The following UNC80 variants were observed in gnomAD, a reference collection of about 807,000 sequenced individuals.
The protein encoded by UNC80 is protein unc-80 homolog.
Under a neutral mutation model 384.6 loss-of-function variants are expected in UNC80, and 164 were observed. That is an observed-to-expected ratio of 0.43 (90% CI 0.38 to 0.49). The LOEUF (loss-of-function observed/expected upper bound fraction) is 0.49, where lower values mean the gene tolerates loss of function less well. Among genes scored for constraint, UNC80 ranks in the 20% least tolerant of loss-of-function variants. UNC80 has a pLI of 0.00. For synonymous variants in UNC80, 1,486 were observed against 1,527.8 expected (o/e 0.97, Z 0.64); for missense variants, 3,330 against 4,143.0 (o/e 0.80, Z 5.39).
At chr2:209,829,204 C>A (rs931521266) in intron 14 of UNC80, 28 bp from the exon 15 acceptor site, 2 of 1,550,058 alleles carry the variant, frequency 1.3e-6, no homozygotes, top group African/African-American at 2.7e-5. Flanking sequence ...GTACTTGTGA[C>A]TTTTTCACTT....
intron 7 of UNC80, chr2:209,809,440 G>T: frequency 6.8e-7 from 1 of 1,471,888 alleles, no homozygotes; most frequent in Non-Finnish European, 9.5e-7. Flanking sequence ...TGCCTTCGCC[G>T]ACCGCTCCAA....
At chr2:209,950,334 T>C (rs571170763) in intron 47 of UNC80, among the ~76,000 whole-genome samples, 6 of 152,088 alleles carry the variant, frequency 3.9e-5, no homozygotes, top group Non-Finnish European at 8.8e-5. Flanking sequence ...TATGCTTTTT[T>C]TAAAAAAAAA....
intron 24 of UNC80, among the ~76,000 whole-genome samples, chr2:209,880,466 A>G (rs1379161809): frequency 1.3e-5 from 2 of 152,216 alleles, no homozygotes; most frequent in African/African-American, 4.8e-5. Context: ...TGCCCTCAAA[A>G]CAGCAAGACA....
chr2:209,954,568 G>A (rs1417759607), intron 48 of UNC80: 2 of 213,012 alleles, frequency 9.4e-6, no homozygotes, highest in Non-Finnish European at 1.8e-5. Context: ...TAACCCAGTG[G>A]TAAACACATC....
intron 33 of UNC80, 99 bp downstream of exon 33, chr2:209,918,762 T>A: frequency 7.6e-7 from 1 of 1,321,946 alleles, no homozygotes; most frequent in East Asian, 2.6e-5. Flanking sequence ...AATGTAATAA[T>A]AACACAGAAA....
In UNC80 at chr2:209,932,153, G is replaced by A. The variant is rs115904435; in HGVS notation, c.5994+1099G>A. Among the ~76,000 whole-genome samples the A allele has an allele frequency of 8.7e-3, 1,330 of 152,248 alleles. 10 individuals are homozygous for A. The highest frequency in any genetic ancestry group is 0.014 in the Non-Finnish European group (938 of 68,010). On this transcript the variant is annotated intron_variant, in intron 38 of 64. Transcript: ENST00000673920. ...AGCCTGTCTGCTCCTGGCACTGTTT[G>A]CCAGGAGACTCAACCTCCCCTTAGC...
chr2:209,778,883 A>T (rs1249312866), intron 4 of UNC80, among the ~76,000 whole-genome samples: 1 of 152,244 alleles, frequency 6.6e-6, no homozygotes, highest in African/African-American at 2.4e-5. Context: ...GAACATTAAC[A>T]GTCACCATGA....
At chr2:209,924,764 A>G (rs1010293213) in intron 35 of UNC80, among the ~76,000 whole-genome samples, 4 of 151,590 alleles carry the variant, frequency 2.6e-5, no homozygotes, top group African/African-American at 9.7e-5. Context: ...ATGTTAAATA[A>G]TTGTTGCTGA....
intron 22 of UNC80, among the ~76,000 whole-genome samples, chr2:209,852,433 C>T (rs986865768): frequency 6.6e-6 from 1 of 152,002 alleles, no homozygotes; most frequent in African/African-American, 2.4e-5. Context: ...GAATAATACT[C>T]ATAACATTTT....
intron 10 of UNC80, 116 bp downstream of exon 10, chr2:209,817,241 G>A: frequency 1.0e-6 from 1 of 996,974 alleles, no homozygotes; most frequent in South Asian, 1.7e-5. Flanking sequence ...GAAATTTGGG[G>A]CTCAAATTCA....
At chr2:209,941,128 C>T (rs577169302) in intron 43 of UNC80, 93 bp from the exon 44 acceptor site, 95 of 1,389,878 alleles carry the variant, frequency 6.8e-5, no homozygotes, top group African/African-American at 5.8e-4. Flanking sequence ...CTGGAACAAA[C>T]GGAGAACAGC....
intron 52 of UNC80, 27 bp from the exon 53 acceptor site, chr2:209,969,741 G>C (rs890892938): frequency 2.6e-6 from 4 of 1,551,142 alleles, no homozygotes; most frequent in Non-Finnish European, 3.5e-6. Flanking sequence ...GAGCCAAGAC[G>C]CTAATGGCGC....
intron 22 of UNC80, among the ~76,000 whole-genome samples, chr2:209,852,523 G>A (rs1461746262): frequency 6.6e-6 from 1 of 152,068 alleles, no homozygotes; most frequent in African/African-American, 2.4e-5. Flanking sequence ...ATTAAGCCAA[G>A]AGATGAACCC....
intron 21 of UNC80, among the ~76,000 whole-genome samples, chr2:209,846,671 C>A (rs2082193584): frequency 1.3e-5 from 2 of 152,054 alleles, no homozygotes; most frequent in South Asian, 2.1e-4. Flanking sequence ...TCAATATACA[C>A]CTCAACATAA....
chr2:209,778,789 G>T (rs2077005648), intron 4 of UNC80, among the ~76,000 whole-genome samples: 1 of 152,188 alleles, frequency 6.6e-6, no homozygotes. Flanking sequence ...ATGTTCATCT[G>T]CTCTTTAATA....
intron 49 of UNC80, among the ~76,000 whole-genome samples, chr2:209,958,325 A>G (rs1399979200): frequency 1.3e-5 from 2 of 152,154 alleles, no homozygotes; most frequent in Non-Finnish European, 2.9e-5. Context: ...GCTTCCTCCT[A>G]CAAGGAAGAT....
At chr2:209,986,551 T>G (rs1408460480) in intron 61 of UNC80, among the ~76,000 whole-genome samples, 1 of 152,220 alleles carries the variant, frequency 6.6e-6, no homozygotes, top group African/African-American at 2.4e-5. Flanking sequence ...GAGCCAAAGC[T>G]ATTGATTTGT....
chr2:209,812,032 A>G (rs1322160517), intron 7 of UNC80, among the ~76,000 whole-genome samples: 5 of 151,924 alleles, frequency 3.3e-5, no homozygotes, highest in Non-Finnish European at 7.4e-5. Context: ...ACTCCATAGT[A>G]TTTTTGTTTT....
intron 6 of UNC80, among the ~76,000 whole-genome samples, chr2:209,792,909 C>A (rs2077913254): frequency 6.6e-6 from 1 of 152,194 alleles, no homozygotes; most frequent in South Asian, 2.1e-4. Context: ...TTTTAAATCT[C>A]TAAATCACCT....
Sources: gnomAD v4.1 joint callset for allele counts (sites outside exome capture counted in the v4.1 genomes callset) on GRCh38, gnomAD v4.1.1 for gene constraint, MANE v1.5 for transcripts, NCBI Gene and HGNC (gene_info 2026-07-23, HGNC 2026-07-21) for gene names.